The following F5 variants were observed in gnomAD, a reference collection of about 807,000 sequenced individuals.
F5 encodes coagulation factor V.
A neutral mutation model predicts 216.4 loss-of-function variants in F5; 138 were observed. The observed-to-expected ratio is 0.64, with a 90% CI of 0.56 to 0.73. The LOEUF is 0.73. Among genes scored for constraint, F5 ranks in the 30% least tolerant of loss-of-function variants. The pLI is 0.00. For synonymous variants in F5, 916 were observed against 930.7 expected (o/e 0.98, Z 0.29); for missense variants, 2,403 against 2,674.0 (o/e 0.90, Z 2.24).
Position 169,542,365 on chromosome 1 carries a change from C to G in F5, c.2725G>C (p.Asp909His). 1 of 1,613,832 alleles carries G rather than the reference C, an allele frequency of 6.2e-7. No homozygotes were observed. Among genetic ancestry groups the G allele is most frequent in the Non-Finnish European group, 8.5e-7 (1 of 1,179,826 alleles). The change falls in exon 13 of 25, where the codon GAC becomes CAC. Residue 909 changes from aspartate to histidine, a missense_variant. Physicochemically the swap from Asp to His is moderately conservative, Grantham distance 81. Coordinates refer to ENST00000367797, the MANE Select transcript of F5 (RefSeq NM_000130.5). ...GAACCAGTGTCTTGGCTAGGAAGGTCCTCCCAGGGCCTCATTCCGGAAGGA... is the reference window on the plus strand; with the variant it reads ...GAACCAGTGTCTTGGCTAGGAAGGTGCTCCCAGGGCCTCATTCCGGAAGGA... ...GSPSGMRPWEDLPSQDTGSPS... is the reference protein window; with the variant it reads ...GSPSGMRPWEHLPSQDTGSPS...
At chr1:169,551,316 G>T (rs1444418728) in intron 8 of F5, among the ~76,000 whole-genome samples, 1 of 152,168 alleles carries the variant, frequency 6.6e-6, no homozygotes, top group African/African-American at 2.4e-5. Context: ...CAGGCGTTGG[G>T]GCGTGTGCCT....
intron 6 of F5, among the ~76,000 whole-genome samples, chr1:169,555,575 G>A (rs1660302810): frequency 7.0e-6 from 1 of 142,180 alleles, no homozygotes; most frequent in African/African-American, 2.9e-5. Context: ...GAAAAAATTT[G>A]GAAAGATTCC....
chr1:169,575,990 A>G (rs2101842442), intron 2 of F5, among the ~76,000 whole-genome samples: 1 of 152,218 alleles, frequency 6.6e-6, no homozygotes, highest in South Asian at 2.1e-4. Context: ...CTGAGTTAGG[A>G]AGAGCTTGGA....
chr1:169,543,516 C>G (rs1037907320), intron 12 of F5, among the ~76,000 whole-genome samples: 8 of 152,126 alleles, frequency 5.3e-5, no homozygotes, highest in Non-Finnish European at 8.8e-5. Flanking sequence ...ATAAAATGGA[C>G]TTTTAATATC....
At chr1:169,530,723 A>G (rs1039273750) in intron 15 of F5, 63 bp downstream of exon 15, 5 of 1,415,820 alleles carry the variant, frequency 3.5e-6, no homozygotes, top group Admixed American at 1.7e-5. Flanking sequence ...CGACTCTTCC[A>G]TTTGGTGGAC....
intron 3 of F5, among the ~76,000 whole-genome samples, chr1:169,570,293 C>T (rs976145065): frequency 2.0e-5 from 3 of 152,036 alleles, no homozygotes; most frequent in Non-Finnish European, 2.9e-5. Flanking sequence ...CAGGTAGGGT[C>T]CAAAGTCTAC....
intron 12 of F5, among the ~76,000 whole-genome samples, chr1:169,544,042 T>C (rs756183776): frequency 1.3e-5 from 2 of 152,262 alleles, no homozygotes; most frequent in Non-Finnish European, 2.9e-5. Flanking sequence ...AGTTATGCCT[T>C]ATTTTTCTGC....
rs13306334 is a variant in F5 at position 169,540,901 on chromosome 1, G to A, written c.4189C>T (p.Leu1397Phe). The A allele has an allele frequency of 0.04, 63,885 of 1,612,520 alleles. 10,768 individuals carry two copies. The East Asian group carries it at 0.61, about 16-fold the overall frequency. ...DLSEMPLFAD[L>F]SQIPLTPDLD... ...TCTGGGGTAAGGGGAATTTGACTGA[G>A]ATCTGCAAAGAGGGGCATCTCACTG... Residue 1397 changes from leucine (L) to phenylalanine (F), a missense_variant, in exon 13 of 25, where the codon CTC (leucine) becomes TTC (phenylalanine). Physicochemically the swap from Leu to Phe is conservative, Grantham distance 22. Around this residue, in one of 4 missense-constraint regions of F5, gnomAD observed 293 missense variants for 270.8 expected, o/e 1.08. Coordinates refer to ENST00000367797, the MANE Select transcript of F5 (RefSeq NM_000130.5).
chr1:169,571,103 C>A (rs1660712201), intron 3 of F5, among the ~76,000 whole-genome samples: 1 of 152,006 alleles, frequency 6.6e-6, no homozygotes, highest in Admixed American at 6.6e-5. Flanking sequence ...GTTCTCATAC[C>A]AACAACTATT....
At chr1:169,585,360 C>T (rs1357165017) in intron 1 of F5, among the ~76,000 whole-genome samples, 3 of 152,064 alleles carry the variant, frequency 2.0e-5, no homozygotes, top group Admixed American at 1.3e-4. Context: ...AAGAGGAACA[C>T]ATCTTTCATA....
At chr1:169,569,363 T>C (rs1360873591) in intron 3 of F5, among the ~76,000 whole-genome samples, 1 of 152,098 alleles carries the variant, frequency 6.6e-6, no homozygotes, top group African/African-American at 2.4e-5. Flanking sequence ...TAGAACTAAT[T>C]TTGTGACATC....
Position 169,512,314 on chromosome 1 carries a change from AC to A in F5, c.*1998del, listed in dbSNP as rs369737007. Among the ~76,000 whole-genome samples the A allele has an allele frequency of 1.3e-4, 19 of 151,858 alleles. No individual in the cohort carries two copies. The highest frequency in any genetic ancestry group is 4.6e-4 in the African/African-American group (19 of 41,400). ...CATGCTCCATTCCCATCTCTTCCCT[AC>A]CCCCCATTATTTCATAAGATTTTCT... is the stretch of plus-strand genomic sequence containing the variant. On this transcript the variant is annotated 3_prime_UTR_variant, in exon 25 of 25. Coordinates refer to ENST00000367797, the MANE Select transcript of F5 (RefSeq NM_000130.5).
At chr1:169,581,384 T>A (rs1660982892) in intron 2 of F5, among the ~76,000 whole-genome samples, 1 of 151,870 alleles carries the variant, frequency 6.6e-6, no homozygotes. Context: ...AGAGTTCTCA[T>A]ACAGAAAACT....
At chr1:169,536,771 C>A in intron 13 of F5, 91 bp from the exon 14 acceptor site, 1 of 993,880 alleles carries the variant, frequency 1.0e-6, no homozygotes, top group African/African-American at 1.6e-5. Flanking sequence ...TAGCATCTAG[C>A]ATAGAGAAGG....
intron 2 of F5, among the ~76,000 whole-genome samples, chr1:169,579,941 T>C (rs1660952180): frequency 6.6e-6 from 1 of 152,172 alleles, no homozygotes; most frequent in South Asian, 2.1e-4. Context: ...CTAGCATGGA[T>C]CCCTGATCCC....
intron 13 of F5, among the ~76,000 whole-genome samples, chr1:169,538,261 T>C (rs1659752385): frequency 6.6e-6 from 1 of 152,152 alleles, no homozygotes; most frequent in Non-Finnish European, 1.5e-5. Flanking sequence ...GGATCTCACT[T>C]ATAATGTGGA....
chr1:169,538,016 T>G (rs1321161072), intron 13 of F5, among the ~76,000 whole-genome samples: 2 of 152,116 alleles, frequency 1.3e-5, no homozygotes, highest in Non-Finnish European at 2.9e-5. Context: ...GTTGAAGAGA[T>G]ATCTGCTGTC....
chr1:169,582,822 T>G (rs1661018972), intron 1 of F5, among the ~76,000 whole-genome samples: 1 of 152,216 alleles, frequency 6.6e-6, no homozygotes, highest in Non-Finnish European at 1.5e-5. Flanking sequence ...AAACCCAAAC[T>G]GTAGGTTTAG....
intron 9 of F5, among the ~76,000 whole-genome samples, chr1:169,550,270 T>TCCCCCCCCCCCCCCC (rs1272186330): frequency 9.0e-5 from 8 of 88,986 alleles, no homozygotes; most frequent in African/African-American, 2.0e-4. Flanking sequence ...CCTAATGCTA[T>TCCCCCCCCCCCCCCC]CCCTCCCCCC....
Sources: allele counts gnomAD v4.1 joint callset (sites outside exome capture counted in the v4.1 genomes callset), GRCh38; gene constraint gnomAD v4.1.1; regional missense constraint gnomAD v4.1.1; transcripts MANE v1.5; gene names NCBI Gene and HGNC (gene_info 2026-07-23, HGNC 2026-07-21).